RSPH6A: variants seen among roughly 807,000 people sequenced by gnomAD.
RSPH6A encodes radial spoke head 6 homolog A.
RSPH6A carries 49 observed loss-of-function variants against 66.1 expected under a neutral mutation model. The observed-to-expected ratio is 0.74, with a 90% confidence interval of 0.59 to 0.94. The LOEUF is 0.94. Ranked by LOEUF, RSPH6A falls within the 40% of genes least tolerant of loss-of-function variation. The probability of loss-of-function intolerance (pLI) is 0.00; values close to 1 mark genes in which losing one functional copy is unlikely to be tolerated. For missense variants in RSPH6A, 977 were observed against 948.3 expected (o/e 1.03, Z -0.40); for synonymous variants, 419 against 402.4 (o/e 1.04, Z -0.49).
intron 2 of RSPH6A, among the ~76,000 whole-genome samples, chr19:45,805,358 C>T (rs546839685): frequency 1.2e-4 from 18 of 152,014 alleles, no homozygotes; most frequent in South Asian, 8.3e-4. Context: ...GATTGCTCCA[C>T]GCACTCCAGC....
At chr19:45,808,075 A>G (rs1407632360) in intron 2 of RSPH6A, among the ~76,000 whole-genome samples, 1 of 152,246 alleles carries the variant, frequency 6.6e-6, no homozygotes, top group Admixed American at 6.5e-5. Context: ...GTTGTCAAAC[A>G]AGTAAAATAA....
chr19:45,801,055 C>G (rs1970468198), intron 4 of RSPH6A, among the ~76,000 whole-genome samples: 2 of 152,308 alleles, frequency 1.3e-5, no homozygotes, highest in South Asian at 4.1e-4. Flanking sequence ...GCCTCAGCCC[C>G]CCAAAGTGCT....
intron 2 of RSPH6A, among the ~76,000 whole-genome samples, chr19:45,805,924 G>A (rs1197886369): frequency 4.6e-5 from 7 of 152,130 alleles, no homozygotes; most frequent in African/African-American, 1.4e-4. Flanking sequence ...GCTATCTTGG[G>A]ACCATGAGGC....
intron 2 of RSPH6A, among the ~76,000 whole-genome samples, chr19:45,809,896 C>T (rs895095922): frequency 6.6e-6 from 1 of 152,184 alleles, no homozygotes; most frequent in Non-Finnish European, 1.5e-5. Flanking sequence ...AGAGCCTTGC[C>T]TTGACAGAAA....
rs113554430 is a variant in RSPH6A at position 45,800,019 on chromosome 19, C to T, written c.1916+427G>A. ...CTGAGATCGCACTACTGCACTGTTG[C>T]CCAGCCTGGGTGACAGAGCGAGACT... On this transcript the variant is annotated intron_variant, in intron 5 of 5. Transcript: ENST00000221538. 5.8e-3 allele frequency among the ~76,000 whole-genome samples: 885 copies of T among 152,238 alleles called. 6 individuals are homozygous for T. The highest frequency in any genetic ancestry group is 0.011 in the Non-Finnish European group (729 of 67,994).
At chr19:45,808,249 A>G (rs1004367994) in intron 2 of RSPH6A, among the ~76,000 whole-genome samples, 1 of 152,200 alleles carries the variant, frequency 6.6e-6, no homozygotes, top group Non-Finnish European at 1.5e-5. Context: ...CAACGTGGCA[A>G]AATCCTGTCT....
rs1485550811 is a variant in RSPH6A, at chr19:45,815,018, G to A, written c.159C>T (p.Asn53=). Residue 53 remains asparagine, a synonymous_variant, in exon 1 of 6, where the codon AAC becomes AAT. Coordinates refer to ENST00000221538, the MANE Select transcript of RSPH6A (RefSeq NM_030785.4). ...RQQIPPDAQR[N]APGWSQRGSL... Reference sequence around the variant, plus strand: ...TGCCCCTCTGTGACCAACCAGGGGCGTTTCGCTGGGCGTCTGGAGGTATCT... The same window carrying A: ...TGCCCCTCTGTGACCAACCAGGGGCATTTCGCTGGGCGTCTGGAGGTATCT... The A allele has an allele frequency of 9.9e-6, 16 of 1,613,732 alleles. No individual in the cohort carries two copies. The highest frequency in any genetic ancestry group is 6.7e-5 in the East Asian group (3 of 44,870).
rs1230045996 is a variant in RSPH6A at position 45,804,328 on chromosome 19, A to G, written c.1577T>C (p.Phe526Ser). The G allele has an allele frequency of 1.4e-5, 22 of 1,614,060 alleles. No homozygotes were observed. Among genetic ancestry groups the G allele is most frequent in the Non-Finnish European group, 1.9e-5 (22 of 1,180,040 alleles). ...CAGCTCCAGCACGGGGATGCCCTCG[A>G]AGTCCGGGTTCTCCTCGTAGGAGTC... ...GRDSYEENPD[F>S]EGIPVLELVD... is the part of the protein sequence containing the mutation. The change falls in exon 3 of 6, where the codon TTC (phenylalanine) becomes TCC (serine). Residue 526 changes from phenylalanine to serine, a missense_variant. Coordinates refer to ENST00000221538, the MANE Select transcript of RSPH6A (RefSeq NM_030785.4). The surrounding 1 kb of genome is among the most constrained non-coding windows in gnomAD (Gnocchi z 5.8).
chr19:45,796,145 A>G, intron 5 of RSPH6A, 39 bp from the exon 6 acceptor site: 4 of 1,376,574 alleles, frequency 2.9e-6, no homozygotes, highest in South Asian at 1.6e-5. Flanking sequence ...TCTCCCTCAA[A>G]GGCCCCAGAC....
intron 1 of RSPH6A, 108 bp from the exon 2 acceptor site, chr19:45,810,948 A>G (rs1424833445): frequency 6.6e-6 from 5 of 758,496 alleles, no homozygotes; most frequent in Non-Finnish European, 1.1e-5. Context: ...ACAGTAGGGA[A>G]CTGAAAAGGT....
chr19:45,801,130 G>A (rs1970469341), intron 4 of RSPH6A, among the ~76,000 whole-genome samples: 2 of 152,138 alleles, frequency 1.3e-5, no homozygotes, highest in East Asian at 3.9e-4. Context: ...GCCCCAGGAA[G>A]CCAGTTCACC....
At chr19:45,813,433 G>A (rs758267956) in intron 1 of RSPH6A, among the ~76,000 whole-genome samples, 2 of 151,872 alleles carry the variant, frequency 1.3e-5, no homozygotes, top group Admixed American at 6.6e-5. Flanking sequence ...AACCTCTGCC[G>A]CCCGGGTTCA....
chr19:45,796,398 C>T (rs1178727594), intron 5 of RSPH6A, among the ~76,000 whole-genome samples: 4 of 151,032 alleles, frequency 2.6e-5, no homozygotes, highest in African/African-American at 9.8e-5. Flanking sequence ...ATGATCTGCC[C>T]GCCTCGGCCT....
At chr19:45,810,397 C>T (rs1028707476) in intron 2 of RSPH6A, among the ~76,000 whole-genome samples, 3 of 152,118 alleles carry the variant, frequency 2.0e-5, no homozygotes, top group African/African-American at 7.2e-5. Context: ...GTCTTGATCT[C>T]CTGACCTCGT....
At chr19:45,798,547 A>G (rs1970432900) in intron 5 of RSPH6A, among the ~76,000 whole-genome samples, 1 of 148,608 alleles carries the variant, frequency 6.7e-6, no homozygotes, top group Non-Finnish European at 1.5e-5. Flanking sequence ...CTCAAAAAAA[A>G]AAAAAAAAAG....
In RSPH6A at chr19:45,804,684, T is replaced by C. The variant is rs778983576; in HGVS notation, c.1221A>G (p.Val407=). 1.2e-6 allele frequency: 2 copies of C among 1,613,646 alleles called. No homozygotes were observed. Among genetic ancestry groups the C allele is most frequent in the African/African-American group, 1.3e-5 (1 of 74,780 alleles). The change falls in exon 3 of 6, where the codon GTA becomes GTG. Residue 407 remains valine, a synonymous_variant. Coordinates refer to ENST00000221538, the MANE Select transcript of RSPH6A (RefSeq NM_030785.4). This position sits in a 1 kb window ranked among gnomAD's most constrained non-coding sequence, Gnocchi z 5.8. ...TGGGGATCACGGGCGGCGGCTTCCATACGGACTTAGGGACGATGTCCACGG... is the reference window on the plus strand; with the variant it reads ...TGGGGATCACGGGCGGCGGCTTCCACACGGACTTAGGGACGATGTCCACGG... ...EKAVDIVPKS[V]WKPPPVIPKE...
rs139732704 is a variant in RSPH6A, at chr19:45,812,675, G to C, written c.651-1835C>G. ...AAATCAAGTTTGGTCAGCGGCCAGG[G>C]GCTGAACCACGTAAGGCCTTTTGTT... On this transcript the variant is annotated intron_variant, in intron 1 of 5. Transcript: ENST00000221538. Among the ~76,000 whole-genome samples the C allele has an allele frequency of 1.1e-4, 17 of 152,062 alleles. 1 individual carries two copies. In the East Asian group the frequency reaches 2.1e-3, roughly 19 times the overall value.
At chr19:45,796,160 C>CTT (rs373732701) in intron 5 of RSPH6A, 54 bp from the exon 6 acceptor site, 10,757 of 905,278 alleles carry the variant, frequency 0.012, no homozygotes, top group South Asian at 0.018. Context: ...CCAGACTTGA[C>CTT]TTTTTTTTTT....
At chr19:45,797,942 G>A (rs1376059663) in intron 5 of RSPH6A, among the ~76,000 whole-genome samples, 1 of 152,130 alleles carries the variant, frequency 6.6e-6, no homozygotes, top group African/African-American at 2.4e-5. Context: ...AAGGAGGTAA[G>A]TGCCCAGGCA....
Sources: allele counts gnomAD v4.1 joint callset (sites outside exome capture counted in the v4.1 genomes callset), GRCh38; gene constraint gnomAD v4.1.1; non-coding constraint Gnocchi (gnomAD v3.1); transcripts MANE v1.5; gene names NCBI Gene and HGNC (gene_info 2026-07-23, HGNC 2026-07-21).